PTCHD4: variants seen among roughly 807,000 people sequenced by gnomAD.
PTCHD4 encodes the protein patched domain-containing protein 4.
PTCHD4 carries 33 observed loss-of-function variants against 58.1 expected under a neutral mutation model. That is an observed-to-expected ratio of 0.57 (90% CI 0.43 to 0.76). The LOEUF (loss-of-function observed/expected upper bound fraction) is 0.76, where lower values mean the gene tolerates loss of function less well. PTCHD4 is among the 30% of genes least tolerant of loss of function. PTCHD4 has a pLI of 0.00. For synonymous variants in PTCHD4, 478 were observed against 409.6 expected (o/e 1.17, Z -2.02); for missense variants, 1,058 against 1,027.1 (o/e 1.03, Z -0.41).
chr6:48,000,516 C>G (rs184271909), intron 4 of PTCHD4, among the ~76,000 whole-genome samples: 56 of 152,218 alleles, frequency 3.7e-4, no homozygotes, highest in African/African-American at 1.3e-3. Flanking sequence ...AGTTATCTTT[C>G]CGAATTTTCT....
chr6:48,098,123 C>G (rs1314958067), intron 1 of PTCHD4, among the ~76,000 whole-genome samples: 1 of 151,884 alleles, frequency 6.6e-6, no homozygotes, highest in Non-Finnish European at 1.5e-5. Flanking sequence ...CAGGAAAAGC[C>G]CAGGAGCAAA....
intron 4 of PTCHD4, among the ~76,000 whole-genome samples, chr6:47,997,772 C>A (rs539327498): frequency 1.3e-3 from 193 of 152,246 alleles, no homozygotes; most frequent in Non-Finnish European, 1.9e-3. Context: ...CACCATGTTC[C>A]AGGAAGGCAG....
At chr6:47,942,528 G>C (rs903708849) in intron 4 of PTCHD4, among the ~76,000 whole-genome samples, 1 of 152,130 alleles carries the variant, frequency 6.6e-6, no homozygotes, top group African/African-American at 2.4e-5. Flanking sequence ...CACAGCTGGT[G>C]AAGGTTGCCA....
intron 3 of PTCHD4, among the ~76,000 whole-genome samples, chr6:48,064,060 G>A (rs1366110235): frequency 6.6e-6 from 1 of 152,142 alleles, no homozygotes; most frequent in Non-Finnish European, 1.5e-5. Context: ...AGTACATACT[G>A]ATTTCACTTT....
Position 47,873,377 on chromosome 6 carries a change from T to C in PTCHD4, c.*4926A>G, listed in dbSNP as rs1763767899. On this transcript the variant is annotated 3_prime_UTR_variant, in exon 5 of 5. Coordinates refer to ENST00000339488, the MANE Select transcript of PTCHD4 (RefSeq NM_001384253.1). ...GGCTCATCTCTCAATATCCTTCCAG[T>C]GTCATTTCAAATGTTGCCTGATCTA... Among the ~76,000 whole-genome samples, 1 of 151,668 alleles carries C rather than the reference T, an allele frequency of 6.6e-6. No homozygotes were observed. Among genetic ancestry groups the C allele is most frequent in the African/African-American group, 2.4e-5 (1 of 41,380 alleles).
At position 48,009,052 on chromosome 6, in the gene PTCHD4, T is replaced by G; in HGVS notation, c.480A>C (p.Lys160Asn). The G allele has an allele frequency of 6.2e-7, 1 of 1,613,880 alleles. No homozygotes were observed. The highest frequency in any genetic ancestry group is 8.5e-7 in the Non-Finnish European group (1 of 1,179,860). ...LGGVVEVPNS[K>N]DQRVKSARAI... The stretch of plus-strand genomic sequence containing the variant: ...CTCTGGCTGACTTGACCCGCTGATC[T>G]TTGCTGTTTGGCACTTCCACTACCC... The change falls in exon 4 of 5, where the codon AAA (lysine) becomes AAC (asparagine). Residue 160 changes from lysine to asparagine, a missense_variant. Lys to Asn is a moderately conservative substitution (Grantham distance 94). Coordinates refer to ENST00000339488, the MANE Select transcript of PTCHD4 (RefSeq NM_001384253.1).
At chr6:47,947,431 CA>C (rs1766467427) in intron 4 of PTCHD4, among the ~76,000 whole-genome samples, 1 of 151,876 alleles carries the variant, frequency 6.6e-6, no homozygotes. Context: ...CTTTTGAGGT[CA>C]TTTTTTTTCT....
At chr6:47,963,377 C>T (rs1039179029) in intron 4 of PTCHD4, among the ~76,000 whole-genome samples, 10 of 151,998 alleles carry the variant, frequency 6.6e-5, no homozygotes, top group African/African-American at 2.4e-4. Context: ...AACCCTTGTA[C>T]ACTACTGGTG....
intron 1 of PTCHD4, among the ~76,000 whole-genome samples, chr6:48,110,594 T>C (rs988834318): frequency 1.4e-4 from 21 of 151,092 alleles, no homozygotes; most frequent in African/African-American, 4.6e-4. Context: ...TTGTATTGTA[T>C]ACTGAAAATT....
intron 3 of PTCHD4, among the ~76,000 whole-genome samples, chr6:48,043,607 C>A (rs1013548287): frequency 6.6e-6 from 1 of 151,864 alleles, no homozygotes; most frequent in Non-Finnish European, 1.5e-5. Context: ...AGCATGGATA[C>A]AGTCTCAAAC....
Position 47,879,583 on chromosome 6 carries a change from A to T in PTCHD4, c.1252T>A (p.Trp418Arg). The change falls in exon 5 of 5, where the codon TGG (tryptophan) becomes AGG (arginine). Residue 418 changes from tryptophan (W) to arginine (R), a missense_variant. Trp to Arg is a moderately radical substitution (Grantham distance 101). Transcript: ENST00000339488. ...CCATCACTCATCACTGTCTGGAACC[A>T]CACAGGTTTGCGATCCAGGTATTCT... The part of the protein sequence containing the change: ...SAEYLDRKPV[W>R]FQTVMSDGHQ... The T allele has an allele frequency of 6.2e-7, 1 of 1,613,792 alleles. No homozygotes were observed. The highest frequency in any genetic ancestry group is 8.5e-7 in the Non-Finnish European group (1 of 1,179,790).
At chr6:48,105,067 T>C (rs1376348296) in intron 1 of PTCHD4, among the ~76,000 whole-genome samples, 1 of 152,014 alleles carries the variant, frequency 6.6e-6, no homozygotes, top group Non-Finnish European at 1.5e-5. Flanking sequence ...AACAAGGATA[T>C]CCAGGAATTG....
At chr6:47,927,859 G>A (rs1765677308) in intron 4 of PTCHD4, among the ~76,000 whole-genome samples, 2 of 151,740 alleles carry the variant, frequency 1.3e-5, no homozygotes, top group African/African-American at 2.4e-5. Flanking sequence ...GTGGGCTCAA[G>A]CGATCCATCT....
In PTCHD4 at chr6:47,858,207, A is replaced by G. The variant is rs749944077; in HGVS notation, c.*20096T>C. ...TATAGGAGAGGGAAGGTTTTCATAA[A>G]CATACTTGATTTTATAGCAGGCACC... is the stretch of plus-strand genomic sequence containing the variant. On this transcript the variant is annotated 3_prime_UTR_variant, in exon 5 of 5. Coordinates refer to ENST00000339488, the MANE Select transcript of PTCHD4 (RefSeq NM_001384253.1). Among the ~76,000 whole-genome samples, 1 of 152,028 alleles carries G rather than the reference A, an allele frequency of 6.6e-6. No homozygotes were observed. The highest frequency in any genetic ancestry group is 1.5e-5 in the Non-Finnish European group (1 of 67,978).
In PTCHD4 at chr6:47,898,714, A is replaced by G. The variant is rs185563040; in HGVS notation, c.899-18778T>C. 1.4e-4 allele frequency among the ~76,000 whole-genome samples: 21 copies of G among 152,344 alleles called. No homozygotes were observed. The East Asian group carries it at 3.9e-3, about 28-fold the overall frequency. Reference sequence around the variant, plus strand: ...TCCCAACTTGATGTAGACGACTTCTATTTAAAGGCAAAGTCACTTCAGAGA... The same window carrying G: ...TCCCAACTTGATGTAGACGACTTCTGTTTAAAGGCAAAGTCACTTCAGAGA... On this transcript the variant is annotated intron_variant, in intron 4 of 4. Transcript: ENST00000339488.
chr6:47,924,522 G>A (rs2113892465), intron 4 of PTCHD4, among the ~76,000 whole-genome samples: 1 of 152,162 alleles, frequency 6.6e-6, no homozygotes, highest in South Asian at 2.1e-4. Context: ...TAAACTCTGT[G>A]AGTCTCAGTT....
intron 3 of PTCHD4, among the ~76,000 whole-genome samples, chr6:48,035,117 T>G (rs1763586098): frequency 6.6e-6 from 1 of 152,120 alleles, no homozygotes; most frequent in East Asian, 1.9e-4. Flanking sequence ...CTTTTATTAT[T>G]TGTGTAGTAG....
At chr6:48,108,142 A>G (rs2113920419) in intron 1 of PTCHD4, among the ~76,000 whole-genome samples, 1 of 152,356 alleles carries the variant, frequency 6.6e-6, no homozygotes, top group South Asian at 2.1e-4. Flanking sequence ...CTATAAATAC[A>G]CATGCACATG....
At chr6:48,094,047 A>C (rs1410823169) in intron 1 of PTCHD4, among the ~76,000 whole-genome samples, 1 of 152,196 alleles carries the variant, frequency 6.6e-6, no homozygotes, top group African/African-American at 2.4e-5. Flanking sequence ...GGGAACACAT[A>C]GAAAAGAGGC....
Sources: allele counts gnomAD v4.1 joint callset (sites outside exome capture counted in the v4.1 genomes callset), GRCh38; gene constraint gnomAD v4.1.1; transcripts MANE v1.5; gene names NCBI Gene and HGNC (gene_info 2026-07-23, HGNC 2026-07-21).